The following DOCK10 variants were observed in gnomAD, a reference collection of about 807,000 sequenced individuals.
The protein encoded by DOCK10 is dedicator of cytokinesis 10.
In DOCK10, 145 loss-of-function variants were observed where a neutral mutation model predicts 280.1. The observed-to-expected ratio is 0.52, with a 90% confidence interval of 0.45 to 0.59. The LOEUF (loss-of-function observed/expected upper bound fraction) is 0.59, where lower values mean the gene tolerates loss of function less well. Among genes scored for constraint, DOCK10 ranks in the 20% least tolerant of loss-of-function variants. The pLI, the probability that DOCK10 is intolerant of heterozygous loss-of-function variation, is 0.00. For synonymous variants in DOCK10, 915 were observed against 942.2 expected, an observed-to-expected ratio of 0.97 and a Z score of 0.53; for missense variants, 2,368 against 2,651.7, an observed-to-expected ratio of 0.89 and a Z score of 2.35.
At chr2:224,839,227 CA>C (rs1247451033) in intron 24 of DOCK10, among the ~76,000 whole-genome samples, 1 of 151,838 alleles carries the variant, frequency 6.6e-6, no homozygotes, top group Non-Finnish European at 1.5e-5. Context: ...TACAGGCACC[CA>C]CCACCACGCC....
chr2:224,904,020 A>AT lies in DOCK10; in HGVS notation c.334-7644dup, dbSNP rs1021020162. On this transcript the variant is annotated intron_variant, in intron 3 of 55. Coordinates refer to ENST00000258390, the MANE Select transcript of DOCK10 (RefSeq NM_014689.3). ...ACATGCACTTGAATTTATCTTAATC[A>AT]TTTTTTGTGTATTTATTACCTTTAG... 6.6e-5 allele frequency among the ~76,000 whole-genome samples: 10 copies of AT among 152,186 alleles called. No individual in the cohort carries two copies. The East Asian group carries it at 1.9e-3, about 29-fold the overall frequency.
chr2:225,020,465 G>A (rs1186013697), intron 1 of DOCK10, among the ~76,000 whole-genome samples: 10 of 152,090 alleles, frequency 6.6e-5, no homozygotes, highest in Admixed American at 6.6e-5. Context: ...TATTTGAAGA[G>A]CAACTCTTCC....
chr2:224,857,260 T>A (rs562118541), intron 14 of DOCK10, among the ~76,000 whole-genome samples: 1 of 152,196 alleles, frequency 6.6e-6, no homozygotes, highest in Non-Finnish European at 1.5e-5. Context: ...TATCAAAACC[T>A]TGGAGTATCA....
chr2:225,026,153 A>G (rs574814519), intron 1 of DOCK10, among the ~76,000 whole-genome samples: 1 of 152,276 alleles, frequency 6.6e-6, no homozygotes, highest in East Asian at 1.9e-4. Flanking sequence ...GGTAATGCCC[A>G]GAAGCTTGAG....
intron 13 of DOCK10, 133 bp downstream of exon 13, chr2:224,864,420 G>T (rs1697729651): frequency 2.3e-6 from 2 of 851,774 alleles, no homozygotes; most frequent in Admixed American, 7.0e-5. Flanking sequence ...TGAGGCAAGA[G>T]AATCACTTGA....
chr2:224,839,750 A>G (rs1363649495), intron 24 of DOCK10, among the ~76,000 whole-genome samples: 1 of 152,224 alleles, frequency 6.6e-6, no homozygotes, highest in African/African-American at 2.4e-5. Context: ...TTTAATTTAA[A>G]AATCAAAGAA....
intron 1 of DOCK10, among the ~76,000 whole-genome samples, chr2:224,934,549 G>T (rs561669016): frequency 1.3e-5 from 2 of 152,340 alleles, no homozygotes; most frequent in Admixed American, 1.3e-4. Flanking sequence ...CTGTGATGGC[G>T]AGAATCCGGA....
intron 2 of DOCK10, among the ~76,000 whole-genome samples, chr2:224,918,704 G>T (rs1022959632): frequency 3.3e-5 from 5 of 151,166 alleles, no homozygotes; most frequent in African/African-American, 9.7e-5. Context: ...ATGTGCAATT[G>T]AGTGTAGTGT....
At chr2:224,811,443 G>C (rs375381521) in intron 31 of DOCK10, among the ~76,000 whole-genome samples, 13 of 151,818 alleles carry the variant, frequency 8.6e-5, no homozygotes, top group African/African-American at 2.4e-4. Context: ...GTTGCCTGTT[G>C]ACTCTGATGG....
chr2:224,832,646 C>T (rs11693393), intron 26 of DOCK10, among the ~76,000 whole-genome samples: 16,727 of 152,134 alleles, frequency 0.11, 1,081 homozygotes, highest in Middle Eastern at 0.18. Flanking sequence ...AGAAGTGAAA[C>T]ATGTTGTTAG....
chr2:224,777,047 C>T (rs868564076), intron 51 of DOCK10, among the ~76,000 whole-genome samples: 2 of 152,166 alleles, frequency 1.3e-5, no homozygotes, highest in African/African-American at 2.4e-5. Context: ...AGACCCTGTG[C>T]GCCTCATCTC....
Position 224,974,428 on chromosome 2 carries a change from T to C in DOCK10, c.124-42760A>G, listed in dbSNP as rs890604519. ...ATAAAACAGCTATCCACAAGAAACTTATTGAAGGCTGACAAAAATACTGTA... is the reference window on the plus strand; with the variant it reads ...ATAAAACAGCTATCCACAAGAAACTCATTGAAGGCTGACAAAAATACTGTA... On this transcript the variant is annotated intron_variant, in intron 1 of 55. Transcript: ENST00000258390. Among the ~76,000 whole-genome samples, 6 of 152,240 alleles carry C rather than the reference T, an allele frequency of 3.9e-5. No individual in the cohort carries two copies. In the East Asian group the frequency reaches 1.2e-3, roughly 29 times the overall value.
Position 224,805,568 on chromosome 2 carries a change from T to C in DOCK10, c.3815-39A>G. ...CCACAGCACACGTATGGGAATGAGA[T>C]GTATGGGCACACACACACAAAAGGT... On this transcript the variant is annotated intron_variant, in intron 34 of 55. Coordinates refer to ENST00000258390, the MANE Select transcript of DOCK10 (RefSeq NM_014689.3). The surrounding 1 kb of genome is among the most constrained non-coding windows in gnomAD (Gnocchi z 4.3). The C allele has an allele frequency of 6.2e-7, 1 of 1,609,248 alleles. No homozygotes were observed. Among genetic ancestry groups the C allele is most frequent in the Non-Finnish European group, 8.5e-7 (1 of 1,177,692 alleles).
intron 3 of DOCK10, among the ~76,000 whole-genome samples, chr2:224,907,531 CA>C (rs1223068187): frequency 1.3e-5 from 2 of 151,852 alleles, no homozygotes; most frequent in Admixed American, 1.3e-4. Context: ...ACTAAAAATA[CA>C]AAAAAATTAG....
intron 3 of DOCK10, among the ~76,000 whole-genome samples, chr2:224,901,550 C>T (rs1432366049): frequency 6.6e-6 from 1 of 152,178 alleles, no homozygotes; most frequent in East Asian, 1.9e-4. Context: ...AGGCCAAAGT[C>T]AACATGGTCA....
chr2:225,035,821 G>A (rs192287934), intron 1 of DOCK10, among the ~76,000 whole-genome samples: 7 of 151,384 alleles, frequency 4.6e-5, no homozygotes, highest in South Asian at 4.2e-4. Context: ...TTTCTGGCTC[G>A]TAGTTGGCCG....
intron 1 of DOCK10, among the ~76,000 whole-genome samples, chr2:225,025,728 TA>T (rs58197470): frequency 0.29 from 43,227 of 151,048 alleles, 6,880 homozygotes; most frequent in African/African-American, 0.43. Flanking sequence ...GCCCTTCAGT[TA>T]AAAAAAAAGG....
intron 25 of DOCK10, among the ~76,000 whole-genome samples, chr2:224,836,751 C>G (rs1452239498): frequency 6.6e-6 from 1 of 152,080 alleles, no homozygotes; most frequent in African/African-American, 2.4e-5. Flanking sequence ...AGGCGCCCAC[C>G]ACCACGCCTG....
chr2:225,005,940 C>G (rs374589468), intron 1 of DOCK10, among the ~76,000 whole-genome samples: 28 of 152,268 alleles, frequency 1.8e-4, no homozygotes, highest in African/African-American at 6.5e-4. Context: ...CAAGAGAGAG[C>G]TGATGCTCAC....
Sources: allele counts gnomAD v4.1 joint callset (sites outside exome capture counted in the v4.1 genomes callset), GRCh38; gene constraint gnomAD v4.1.1; non-coding constraint Gnocchi (gnomAD v3.1); transcripts MANE v1.5; gene names NCBI Gene and HGNC (gene_info 2026-07-23, HGNC 2026-07-21).